APBA2: variants seen among roughly 807,000 people sequenced by gnomAD.
The protein encoded by APBA2 is amyloid beta precursor protein binding family A member 2, also known as amyloid-beta A4 precursor protein-binding family A member 2.
A neutral mutation model predicts 75.0 loss-of-function variants in APBA2; 30 were observed. That is an observed-to-expected ratio of 0.40 (90% CI 0.30 to 0.54). The LOEUF (loss-of-function observed/expected upper bound fraction) is 0.54, where lower values mean the gene tolerates loss of function less well. Among genes scored for constraint, APBA2 ranks in the 20% least tolerant of loss-of-function variants. The pLI is 0.49. For synonymous variants in APBA2, 444 were observed against 409.6 expected (o/e 1.08, Z -1.01); for missense variants, 801 against 1,016.1 (o/e 0.79, Z 2.88).
intron 2 of APBA2, chr15:28,961,711 C>T (rs1376695365): frequency 6.6e-6 from 1 of 152,228 alleles, no homozygotes; most frequent in Non-Finnish European, 1.5e-5. Flanking sequence ...AAGGGAACTG[C>T]AGGGACACCC....
At chr15:29,109,256 T>A (rs548970800) in intron 13 of APBA2, among the ~76,000 whole-genome samples, 49 of 152,264 alleles carry the variant, frequency 3.2e-4, no homozygotes, top group Middle Eastern at 6.8e-3. Flanking sequence ...TCTCCATTGT[T>A]TTCTGGTGAA....
At chr15:29,048,815 T>C (rs1213777755) in intron 3 of APBA2, among the ~76,000 whole-genome samples, 1 of 149,814 alleles carries the variant, frequency 6.7e-6, no homozygotes, top group Non-Finnish European at 1.5e-5. Flanking sequence ...GGTGCGCACC[T>C]ACCTGTAGTC....
intron 2 of APBA2, among the ~76,000 whole-genome samples, chr15:28,952,924 A>G (rs745376148): frequency 6.6e-6 from 1 of 152,216 alleles, no homozygotes; most frequent in Non-Finnish European, 1.5e-5. Context: ...ATGGAGATCG[A>G]CTCACATTTG....
intron 3 of APBA2, among the ~76,000 whole-genome samples, chr15:29,026,093 T>C (rs1280112570): frequency 6.6e-6 from 1 of 152,242 alleles, no homozygotes; most frequent in African/African-American, 2.4e-5. Flanking sequence ...GCATTTCTAC[T>C]TAACACCCTC....
In APBA2 at chr15:29,090,042, C is replaced by G. The variant is rs112914264; in HGVS notation, c.1070-3033C>G. 1.2e-3 allele frequency among the ~76,000 whole-genome samples: 188 copies of G among 152,270 alleles called. 1 individual carries two copies. The highest frequency in any genetic ancestry group is 4.2e-3 in the African/African-American group (175 of 41,568). ...GTGCCCATGAATCTGATATACTCCCCACACCATGCCGCCCCCACTGGACTC... is the reference window on the plus strand; with the variant it reads ...GTGCCCATGAATCTGATATACTCCCGACACCATGCCGCCCCCACTGGACTC... On this transcript the variant is annotated intron_variant, in intron 6 of 14. Coordinates refer to ENST00000683413, the MANE Select transcript of APBA2 (RefSeq NM_001353788.2).
intron 10 of APBA2, among the ~76,000 whole-genome samples, chr15:29,103,476 G>A (rs913231463): frequency 1.3e-5 from 2 of 152,214 alleles, no homozygotes; most frequent in Non-Finnish European, 2.9e-5. Flanking sequence ...TCTCTGAAGC[G>A]CCAGCCGCAG....
intron 2 of APBA2, among the ~76,000 whole-genome samples, chr15:28,960,394 T>C (rs2036403812): frequency 1.3e-5 from 2 of 151,208 alleles, no homozygotes; most frequent in South Asian, 4.2e-4. Flanking sequence ...GCCTGAGAGG[T>C]TGAGGCTGCA....
chr15:29,110,787 G>A (rs1478413159), intron 13 of APBA2, among the ~76,000 whole-genome samples: 5 of 152,214 alleles, frequency 3.3e-5, no homozygotes, highest in Non-Finnish European at 2.9e-5. Context: ...GGAGGGGACA[G>A]CCTGGAGCAG....
At chr15:28,942,170 C>A (rs1177747095) in intron 2 of APBA2, among the ~76,000 whole-genome samples, 2 of 152,218 alleles carry the variant, frequency 1.3e-5, no homozygotes, top group Admixed American at 1.3e-4. Context: ...CTTGAAGGTG[C>A]AAGTGGGCAA....
chr15:28,964,313 G>A (rs2036623980), intron 2 of APBA2, among the ~76,000 whole-genome samples: 1 of 152,126 alleles, frequency 6.6e-6, no homozygotes, highest in African/African-American at 2.4e-5. Flanking sequence ...ATCCTTGCCA[G>A]CATTTGGTGT....
chr15:29,079,760 G>A (rs757529845), intron 6 of APBA2, among the ~76,000 whole-genome samples: 5 of 152,154 alleles, frequency 3.3e-5, no homozygotes, highest in Admixed American at 6.5e-5. Flanking sequence ...TGTTCCTGGA[G>A]TATTCATGAG....
intron 3 of APBA2, among the ~76,000 whole-genome samples, chr15:29,053,313 C>T (rs760301687): frequency 4.6e-5 from 7 of 152,034 alleles, no homozygotes; most frequent in Admixed American, 3.3e-4. Context: ...TCCAGTTCCT[C>T]GGTGAACATT....
chr15:28,926,667 T>G (rs2034277252), intron 2 of APBA2, among the ~76,000 whole-genome samples: 1 of 152,170 alleles, frequency 6.6e-6, no homozygotes, highest in Non-Finnish European at 1.5e-5. Flanking sequence ...ATTTTTCTTC[T>G]GTATGAAGAA....
chr15:29,048,245 G>A (rs2041435623), intron 3 of APBA2, among the ~76,000 whole-genome samples: 1 of 152,220 alleles, frequency 6.6e-6, no homozygotes, highest in Non-Finnish European at 1.5e-5. Flanking sequence ...CCACTCAGGA[G>A]GCTGAGGCAC....
At chr15:29,052,074 T>C (rs1364537309) in intron 3 of APBA2, among the ~76,000 whole-genome samples, 1 of 152,138 alleles carries the variant, frequency 6.6e-6, no homozygotes, top group African/African-American at 2.4e-5. Flanking sequence ...TTTAAATAAT[T>C]GAACTATCAT....
chr15:29,060,039 G>C (rs1221001170), intron 4 of APBA2, among the ~76,000 whole-genome samples: 2 of 152,098 alleles, frequency 1.3e-5, no homozygotes, highest in African/African-American at 4.8e-5. Flanking sequence ...TAAAGGACCC[G>C]TACACATGAA....
chr15:28,911,378 A>G (rs2033419780), intron 1 of APBA2, among the ~76,000 whole-genome samples: 1 of 152,132 alleles, frequency 6.6e-6, no homozygotes, highest in Non-Finnish European at 1.5e-5. Flanking sequence ...CAAATAAGAT[A>G]GTCATTTGCC....
rs140795962 is a variant in APBA2 at position 29,054,113 on chromosome 15, G to A, written c.229G>A (p.Val77Met). ...CGATGGGGACTCCAGCTCTGACTACGTGAACAACACCTCTGAGGAGGAGGA... is the reference window on the plus strand; with the variant it reads ...CGATGGGGACTCCAGCTCTGACTACATGAACAACACCTCTGAGGAGGAGGA... ...SPDGDSSSDY[V>M]NNTSEEEDYD... is the part of the protein sequence containing the mutation. The change falls in exon 4 of 15, where the codon GTG becomes ATG. Residue 77 changes from valine (V) to methionine (M), a missense_variant. By Grantham distance (21) the Val-to-Met change is conservative (BLOSUM62 1). This residue lies in a region of APBA2 where 434 missense variants were observed against 471.6 expected (regional missense o/e 0.92). Coordinates refer to ENST00000683413, the MANE Select transcript of APBA2 (RefSeq NM_001353788.2). This position sits in a 1 kb window ranked among gnomAD's most constrained non-coding sequence, Gnocchi z 6.1. 9.3e-6 allele frequency: 15 copies of A among 1,614,038 alleles called. No individual in the cohort carries two copies. Among genetic ancestry groups the A allele is most frequent in the African/African-American group, 1.3e-5 (1 of 74,930 alleles).
chr15:29,071,197 T>A, intron 4 of APBA2: 1 of 377,358 alleles, frequency 2.7e-6, no homozygotes, highest in Non-Finnish European at 5.3e-6. Flanking sequence ...GAATTGACAC[T>A]TTTTAAAATC....
Sources: gnomAD v4.1 joint callset for allele counts (sites outside exome capture counted in the v4.1 genomes callset) on GRCh38, gnomAD v4.1.1 for gene constraint, gnomAD v4.1.1 regional missense constraint, Gnocchi (gnomAD v3.1) non-coding constraint, MANE v1.5 for transcripts, NCBI Gene and HGNC (gene_info 2026-07-23, HGNC 2026-07-21) for gene names.